The following FRMD4A variants were observed in gnomAD, a reference collection of about 807,000 sequenced individuals.
The protein encoded by FRMD4A is FERM domain containing 4A.
A neutral mutation model predicts 129.1 loss-of-function variants in FRMD4A; 29 were observed. The observed-to-expected ratio is 0.22, with a 90% confidence interval of 0.17 to 0.31. The LOEUF is 0.31. Ranked by LOEUF, FRMD4A falls within the 10% of genes least tolerant of loss-of-function variation. The pLI is 1.00. For missense variants in FRMD4A, 1,272 were observed against 1,375.8 expected (o/e 0.92, Z 1.19); for synonymous variants, 634 against 571.6 (o/e 1.11, Z -1.56).
chr10:13,783,989 A>T (rs1219835414), intron 5 of FRMD4A, among the ~76,000 whole-genome samples: 2 of 152,210 alleles, frequency 1.3e-5, no homozygotes, highest in Non-Finnish European at 2.9e-5. Context: ...GACCAGCCGC[A>T]CTGAAGGACT....
At chr10:14,317,874 T>C (rs35895020) in intron 2 of FRMD4A, among the ~76,000 whole-genome samples, 2,367 of 152,222 alleles carry the variant, frequency 0.016, 30 homozygotes, top group African/African-American at 0.026. Context: ...CTAACTGTCC[T>C]GTCTAGATAC....
chr10:13,871,850 T>C (rs1176313468), intron 2 of FRMD4A, among the ~76,000 whole-genome samples: 1 of 152,242 alleles, frequency 6.6e-6, no homozygotes, highest in Non-Finnish European at 1.5e-5. Flanking sequence ...AGCCACACAC[T>C]GTGCCTCCCT....
intron 15 of FRMD4A, chr10:13,684,503 C>T: frequency 1.0e-6 from 1 of 984,882 alleles, no homozygotes; most frequent in Non-Finnish European, 1.2e-6. Context: ...GATGTGGAGG[C>T]AACGCCAGCA....
chr10:13,820,283 G>C (rs376194245), intron 3 of FRMD4A, among the ~76,000 whole-genome samples: 5 of 152,266 alleles, frequency 3.3e-5, no homozygotes, highest in South Asian at 4.1e-4. Context: ...CCTCGTTTCC[G>C]TGTAATTGAA....
chr10:14,016,671 T>C (rs188270208), intron 2 of FRMD4A, among the ~76,000 whole-genome samples: 4 of 152,182 alleles, frequency 2.6e-5, no homozygotes, highest in Admixed American at 2.6e-4. Context: ...TAAGACCCCC[T>C]ATCCCCATCA....
intron 2 of FRMD4A, among the ~76,000 whole-genome samples, chr10:13,991,296 C>T (rs887131010): frequency 1.3e-5 from 2 of 152,240 alleles, no homozygotes; most frequent in Admixed American, 1.3e-4. Flanking sequence ...AGCAAAGCCT[C>T]TTTTCCAGCC....
At chr10:14,047,359 T>C (rs555861909) in intron 2 of FRMD4A, among the ~76,000 whole-genome samples, 32 of 152,248 alleles carry the variant, frequency 2.1e-4, no homozygotes, top group African/African-American at 7.2e-4. Context: ...GTAACACGGT[T>C]GCTATGGTCT....
At chr10:14,107,345 C>G (rs1420271185) in intron 2 of FRMD4A, among the ~76,000 whole-genome samples, 1 of 152,138 alleles carries the variant, frequency 6.6e-6, no homozygotes, top group Non-Finnish European at 1.5e-5. Flanking sequence ...ACCCCCAAAT[C>G]TAAAATAAAA....
intron 2 of FRMD4A, among the ~76,000 whole-genome samples, chr10:13,924,720 G>C (rs2095110327): frequency 1.3e-5 from 2 of 151,974 alleles, no homozygotes; most frequent in Admixed American, 1.3e-4. Context: ...CTGAGCATGG[G>C]CACGGACATG....
rs1412068058 is a variant in FRMD4A at position 14,089,623 on chromosome 10, A to AC, written c.46-230712_46-230711insG. Reference sequence around the variant, plus strand: ...AAAAAGTTCACCTTTTCAAGCAAAAAAAAAAACAAAAAAAAACAAACAAAA... The same window carrying AC: ...AAAAAGTTCACCTTTTCAAGCAAAAACAAAAAACAAAAAAAAACAAACAAAA... On this transcript the variant is annotated intron_variant, in intron 2 of 24. Transcript: ENST00000357447. 1.6e-3 allele frequency among the ~76,000 whole-genome samples: 43 copies of AC among 27,080 alleles called. 1 individual carries two copies. The Admixed American group carries it at 0.017, about 11-fold the overall frequency. 17.8% of individuals were successfully genotyped at this position (27,080 alleles called of 152,430 possible).
chr10:14,202,515 C>T (rs927057107), intron 2 of FRMD4A, among the ~76,000 whole-genome samples: 7 of 152,148 alleles, frequency 4.6e-5, no homozygotes, highest in African/African-American at 1.7e-4. Flanking sequence ...GATTCTCCTG[C>T]CTCAACCTCC....
intron 3 of FRMD4A, among the ~76,000 whole-genome samples, chr10:13,816,910 G>A (rs1312639617): frequency 6.6e-6 from 1 of 152,198 alleles, no homozygotes; most frequent in Admixed American, 6.5e-5. Context: ...AGCCTCTTGT[G>A]GGCCATCAGC....
At chr10:14,084,443 G>T (rs757287777) in intron 2 of FRMD4A, among the ~76,000 whole-genome samples, 3 of 152,170 alleles carry the variant, frequency 2.0e-5, no homozygotes, top group Non-Finnish European at 4.4e-5. Flanking sequence ...CACTGCACCC[G>T]GCTGGGGTTT....
intron 2 of FRMD4A, among the ~76,000 whole-genome samples, chr10:13,864,334 G>C (rs1272412145): frequency 2.7e-5 from 2 of 73,746 alleles, no homozygotes; most frequent in African/African-American, 1.1e-4. Context: ...CAAACATCTT[G>C]AGTCAAAAAA....
At chr10:13,693,702 C>CTTT in intron 15 of FRMD4A, 196 bp downstream of exon 15, 2 of 564,248 alleles carry the variant, frequency 3.5e-6, no homozygotes, top group Non-Finnish European at 5.9e-6. Flanking sequence ...TTTTTTTTTT[C>CTTT]CCTTCCACTA....
intron 2 of FRMD4A, among the ~76,000 whole-genome samples, chr10:14,239,550 C>G (rs946900043): frequency 4.6e-5 from 7 of 152,094 alleles, no homozygotes. Context: ...TAGGTTGAAC[C>G]CGGGAGGCGG....
At chr10:14,164,507 G>T (rs1841071560) in intron 2 of FRMD4A, among the ~76,000 whole-genome samples, 1 of 152,208 alleles carries the variant, frequency 6.6e-6, no homozygotes, top group African/African-American at 2.4e-5. Context: ...GAACTTGTGG[G>T]TTAAACACTA....
chr10:13,805,443 A>T (rs1315512461), intron 4 of FRMD4A, among the ~76,000 whole-genome samples: 1 of 152,018 alleles, frequency 6.6e-6, no homozygotes, highest in Non-Finnish European at 1.5e-5. Flanking sequence ...TTTCTTAAAA[A>T]AAAACCCCCA....
At chr10:13,820,110 C>T (rs1033067665) in intron 3 of FRMD4A, among the ~76,000 whole-genome samples, 3 of 152,188 alleles carry the variant, frequency 2.0e-5, no homozygotes, top group East Asian at 3.9e-4. Flanking sequence ...CGAGGAACCC[C>T]AGTCACTAGA....
Sources: allele counts gnomAD v4.1 joint callset (sites outside exome capture counted in the v4.1 genomes callset), GRCh38; gene constraint gnomAD v4.1.1; transcripts MANE v1.5; gene names NCBI Gene and HGNC (gene_info 2026-07-23, HGNC 2026-07-21).